SGMS1: variants seen among roughly 807,000 people sequenced by gnomAD.
SGMS1 encodes sphingomyelin synthase 1.
In SGMS1, 13 loss-of-function variants were observed where a neutral mutation model predicts 46.2. The ratio of observed to expected loss-of-function variants is 0.28; its 90% CI spans 0.18 to 0.45. SGMS1 has a LOEUF of 0.45. SGMS1 is among the 20% of genes least tolerant of loss of function. The pLI is 1.00. For synonymous variants in SGMS1, 203 were observed against 187.8 expected (o/e 1.08, Z -0.66); for missense variants, 324 against 519.9 (o/e 0.62, Z 3.66).
chr10:50,549,235 A>C (rs2133829605), intron 2 of SGMS1, among the ~76,000 whole-genome samples: 2 of 152,362 alleles, frequency 1.3e-5, no homozygotes, highest in East Asian at 3.9e-4. Flanking sequence ...TTATAAAGAT[A>C]CATGCACACG....
At chr10:50,355,643 C>T (rs1301203183) in intron 6 of SGMS1, among the ~76,000 whole-genome samples, 1 of 152,244 alleles carries the variant, frequency 6.6e-6, no homozygotes, top group Non-Finnish European at 1.5e-5. Context: ...CTCCCAGCCG[C>T]CTGCCTTGGC....
intron 3 of SGMS1, among the ~76,000 whole-genome samples, chr10:50,514,101 A>G (rs1353848604): frequency 6.6e-6 from 1 of 152,206 alleles, no homozygotes; most frequent in Non-Finnish European, 1.5e-5. Context: ...TTATCTGCAA[A>G]TACCAAAAAT....
intron 6 of SGMS1, among the ~76,000 whole-genome samples, chr10:50,391,715 A>C (rs1428292205): frequency 6.6e-6 from 1 of 152,186 alleles, no homozygotes; most frequent in Admixed American, 6.5e-5. Context: ...GAATGTGCAC[A>C]TGTATGTTCA....
intron 6 of SGMS1, among the ~76,000 whole-genome samples, chr10:50,432,459 T>C (rs577407271): frequency 1.5e-3 from 235 of 152,288 alleles, no homozygotes; most frequent in Admixed American, 2.8e-3. Context: ...TAGTTTAAAA[T>C]GAGCCAGCCA....
At chr10:50,618,460 C>T (rs1391054589) in intron 1 of SGMS1, among the ~76,000 whole-genome samples, 1 of 152,126 alleles carries the variant, frequency 6.6e-6, no homozygotes, top group African/African-American at 2.4e-5. Context: ...ATCTTCAAAT[C>T]ACCACATTAG....
intron 2 of SGMS1, among the ~76,000 whole-genome samples, chr10:50,574,086 G>A (rs1392690806): frequency 6.6e-6 from 1 of 152,076 alleles, no homozygotes; most frequent in South Asian, 2.1e-4. Context: ...GAAAACACAG[G>A]GGGGAAGCTT....
At chr10:50,603,220 C>A (rs1435713367) in intron 1 of SGMS1, among the ~76,000 whole-genome samples, 3 of 152,172 alleles carry the variant, frequency 2.0e-5, no homozygotes, top group Non-Finnish European at 2.9e-5. Flanking sequence ...GTAGGATGAG[C>A]TTTTTACAGA....
chr10:50,547,373 C>T (rs1190289429), intron 2 of SGMS1, among the ~76,000 whole-genome samples: 1 of 152,014 alleles, frequency 6.6e-6, no homozygotes, highest in African/African-American at 2.4e-5. Context: ...ACCACTGACC[C>T]CACAAAAATA....
At chr10:50,325,864 T>C (rs1226769686) in intron 8 of SGMS1, among the ~76,000 whole-genome samples, 1 of 152,148 alleles carries the variant, frequency 6.6e-6, no homozygotes, top group Non-Finnish European at 1.5e-5. Context: ...GTCAGTTTAC[T>C]GCTGAGAACA....
chr10:50,379,333 T>C (rs191993834), intron 6 of SGMS1, among the ~76,000 whole-genome samples: 79 of 152,312 alleles, frequency 5.2e-4, no homozygotes, highest in African/African-American at 1.7e-3. Context: ...ATGTGGTCAT[T>C]TCAAAGAATG....
intron 2 of SGMS1, among the ~76,000 whole-genome samples, chr10:50,545,431 G>GTTTGT (rs1169984024): frequency 3.3e-5 from 5 of 152,010 alleles, no homozygotes; most frequent in African/African-American, 7.2e-5. Context: ...TGTTGTTGCT[G>GTTTGT]TTTGTTTTGT....
chr10:50,423,286 G>A (rs1203420), intron 6 of SGMS1, among the ~76,000 whole-genome samples: 32,865 of 134,110 alleles, frequency 0.25, 3,866 homozygotes, highest in Non-Finnish European at 0.29. Context: ...CCTAAAGTGT[G>A]CCTTTTCCCA....
intron 2 of SGMS1, among the ~76,000 whole-genome samples, chr10:50,524,403 C>T (rs1837882129): frequency 6.6e-6 from 1 of 152,186 alleles, no homozygotes; most frequent in African/African-American, 2.4e-5. Context: ...ACTTTATGCT[C>T]CATCACTAGT....
intron 2 of SGMS1, among the ~76,000 whole-genome samples, chr10:50,552,989 G>C (rs1838161062): frequency 6.6e-6 from 1 of 152,152 alleles, no homozygotes; most frequent in South Asian, 2.1e-4. Context: ...TTCTCTCCTA[G>C]AACCTGCAGA....
At chr10:50,465,305 A>G (rs1376139934) in intron 4 of SGMS1, among the ~76,000 whole-genome samples, 1 of 152,210 alleles carries the variant, frequency 6.6e-6, no homozygotes, top group Non-Finnish European at 1.5e-5. Context: ...CTAAATCCCC[A>G]GCACTCATTT....
At chr10:50,438,430 T>G (rs988740968) in intron 5 of SGMS1, among the ~76,000 whole-genome samples, 9 of 152,138 alleles carry the variant, frequency 5.9e-5, no homozygotes, top group African/African-American at 9.7e-5. Flanking sequence ...AGGCTCTAGT[T>G]AGAGAGCCCA....
intron 1 of SGMS1, among the ~76,000 whole-genome samples, chr10:50,622,672 G>A (rs1838864917): frequency 6.6e-6 from 1 of 152,258 alleles, no homozygotes; most frequent in South Asian, 2.1e-4. Context: ...CTGTTTGAAG[G>A]TGAAAAGAAA....
rs973537558 is a variant in SGMS1 at position 50,534,630 on chromosome 10, C to T, written c.-588-14709G>A. The stretch of plus-strand genomic sequence containing the variant: ...GATGCAAAATTACCCAATCGTTCAA[C>T]AACAGGGAAGCGATTTACAAAACTG... On this transcript the variant is annotated intron_variant, in intron 2 of 10. Transcript: ENST00000361781. Among the ~76,000 whole-genome samples, 25 of 152,156 alleles carry T rather than the reference C, an allele frequency of 1.6e-4. 1 individual carries two copies. The highest frequency in any genetic ancestry group is 3.3e-4 in the Admixed American group (5 of 15,286).
chr10:50,507,557 G>A (rs554140766), intron 3 of SGMS1, among the ~76,000 whole-genome samples: 1 of 152,158 alleles, frequency 6.6e-6, no homozygotes, highest in Non-Finnish European at 1.5e-5. Context: ...GTGAAATCAG[G>A]CCTGAGCCAT....
Sources: gnomAD v4.1 joint callset for allele counts (sites outside exome capture counted in the v4.1 genomes callset) on GRCh38, gnomAD v4.1.1 for gene constraint, MANE v1.5 for transcripts, NCBI Gene and HGNC (gene_info 2026-07-23, HGNC 2026-07-21) for gene names.